The following PRR12 variants were observed in gnomAD, a reference collection of about 807,000 sequenced individuals.
PRR12 encodes the protein proline-rich protein 12.
A neutral mutation model predicts 138.0 loss-of-function variants in PRR12; 12 were observed. That is an observed-to-expected ratio of 0.09 (90% CI 0.06 to 0.14). PRR12 has a LOEUF of 0.14. Ranked by LOEUF, PRR12 falls within the 10% of genes least tolerant of loss-of-function variation. The probability of loss-of-function intolerance (pLI) is 1.00; values close to 1 mark genes in which losing one functional copy is unlikely to be tolerated. For synonymous variants in PRR12, 1,567 were observed against 1,291.7 expected, an observed-to-expected ratio of 1.21 and a Z score of -4.57; for missense variants, 2,692 against 2,861.3, an observed-to-expected ratio of 0.94 and a Z score of 1.35.
At position 49,594,926 on chromosome 19, in the gene PRR12, C is replaced by G. The variant is rs1388659106; in HGVS notation, c.591C>G (p.Pro197=). 1.2e-6 allele frequency: 2 copies of G among 1,606,580 alleles called. No individual in the cohort carries two copies. The highest frequency in any genetic ancestry group is 3.4e-5 in the Admixed American group (2 of 59,014). Residue 197 remains proline, a synonymous_variant, in exon 4 of 14, where the codon CCC becomes CCG. Transcript: ENST00000418929. This position sits in a 1 kb window ranked among gnomAD's most constrained non-coding sequence, Gnocchi z 5.6. ...DVLHLKPSQA[P]TVPSSLGFER... ...TGCACCTGAAGCCCTCGCAGGCACC[C>G]ACGGTGCCCTCTTCACTGGGCTTCG...
At position 49,619,851 on chromosome 19, in the gene PRR12, CTTT is replaced by C. The variant is rs55707507; in HGVS notation, c.5498-478_5498-476del. 1.9e-4 allele frequency among the ~76,000 whole-genome samples: 10 copies of C among 53,942 alleles called. No homozygotes were observed. The South Asian group carries it at 2.3e-3, about 12-fold the overall frequency. 35.4% of individuals were successfully genotyped at this position (53,942 alleles called of 152,430 possible). A position where few individuals can be genotyped will look rare whatever the true frequency, so the allele number is the denominator to read the frequency against. On this transcript the variant is annotated intron_variant, in intron 9 of 13. Coordinates refer to ENST00000418929, the MANE Select transcript of PRR12 (RefSeq NM_020719.3). ...GCACTTTATGGGCTACAATGCCTGG[CTTT>C]TTTTTTTTTTTTTTTTTTTTTTGGA...
chr19:49,618,858 G>A (rs947413918), intron 9 of PRR12, among the ~76,000 whole-genome samples: 1 of 151,772 alleles, frequency 6.6e-6, no homozygotes, highest in Non-Finnish European at 1.5e-5. Context: ...CTGGACTTCA[G>A]CCTCACTCCT....
At chr19:49,618,257 C>A (rs1312700667) in intron 9 of PRR12, among the ~76,000 whole-genome samples, 1 of 152,064 alleles carries the variant, frequency 6.6e-6, no homozygotes, top group Non-Finnish European at 1.5e-5. Flanking sequence ...GGCCACCCCA[C>A]AGACCTTCCC....
intron 6 of PRR12, among the ~76,000 whole-genome samples, chr19:49,606,809 G>A (rs552223706): frequency 6.6e-6 from 1 of 151,912 alleles, no homozygotes; most frequent in South Asian, 2.1e-4. Context: ...ACCATGCCTG[G>A]CTAATTTTTG....
In PRR12 at chr19:49,595,031, A is replaced by G; in HGVS notation, c.696A>G (p.Pro232=). Residue 232 remains proline, a synonymous_variant, in exon 4 of 14, where the codon CCA becomes CCG. Coordinates refer to ENST00000418929, the MANE Select transcript of PRR12 (RefSeq NM_020719.3). The stretch of plus-strand genomic sequence containing the variant: ...CCCCCCCTTACCGCCCTGGCCCCCC[A>G]GACCCACCACCACCTCCTCGCCACC... ...AQTPPYRPGP[P]DPPPPPRHLP... 1 of 1,248,760 alleles carries G rather than the reference A, an allele frequency of 8.0e-7. No homozygotes were observed. Among genetic ancestry groups the G allele is most frequent in the Non-Finnish European group, 1.1e-6 (1 of 949,328 alleles). 77.4% of individuals were successfully genotyped at this position (1,248,760 alleles called of 1,614,324 possible). A position where few individuals can be genotyped will look rare whatever the true frequency, so the allele number is the denominator to read the frequency against.
chr19:49,618,560 G>A (rs2080904408), intron 9 of PRR12, among the ~76,000 whole-genome samples: 1 of 151,996 alleles, frequency 6.6e-6, no homozygotes, highest in Non-Finnish European at 1.5e-5. Context: ...GCTAATTTGT[G>A]TATTTTTAGT....
intron 6 of PRR12, among the ~76,000 whole-genome samples, chr19:49,612,120 A>G (rs539450157): frequency 6.7e-6 from 1 of 149,996 alleles, no homozygotes; most frequent in Admixed American, 6.7e-5. Flanking sequence ...AGTCCCAGCT[A>G]TTCGGGAGGC....
In PRR12 at chr19:49,591,790, AGCCGGGCCGG is replaced by A. The variant is rs146415405; in HGVS notation, c.86+69_86+78del. The A allele has an allele frequency of 2.7e-3, 2,911 of 1,069,870 alleles. 57 individuals carry two copies. The African/African-American group carries it at 0.042, about 16-fold the overall frequency. The allele number at this position is 1,069,870 out of a possible 1,614,324, so 66.3% of individuals were successfully genotyped here. A position where few individuals can be genotyped will look rare whatever the true frequency, so the allele number is the denominator to read the frequency against. On this transcript the variant is annotated intron_variant, in intron 1 of 13. Transcript: ENST00000418929. ...GAAGGGGGCCAAGGGGTGGGAGCCC[AGCCGGGCCGG>A]GCCGGGCCGGGCCGGGCCCGCCCGG...
At chr19:49,617,594 G>T (rs189891986) in intron 9 of PRR12, among the ~76,000 whole-genome samples, 1 of 152,322 alleles carries the variant, frequency 6.6e-6, no homozygotes, top group Admixed American at 6.5e-5. Flanking sequence ...TTACACCACT[G>T]CTTTCCAGCC....
Position 49,594,962 on chromosome 19 carries a change from AG to A in PRR12, c.632del (p.Gly211AlafsTer104). On this transcript the variant is annotated frameshift_variant, in exon 4 of 14. Transcript: ENST00000418929. LOFTEE classifies it high-confidence loss of function. The surrounding 1 kb of genome is among the most constrained non-coding windows in gnomAD (Gnocchi z 5.6). The stretch of plus-strand genomic sequence containing the variant: ...CTTCACTGGGCTTCGAGCGCCTGGC[AG>A]GGGGCGGTGTCTTGGGGCCAGCTGG... The part of the protein sequence containing the change: ...PSSLGFERLA[G>X]GGVLGPAGLG... The A allele has an allele frequency of 6.2e-7, 1 of 1,600,308 alleles. No homozygotes were observed. The highest frequency in any genetic ancestry group is 8.5e-7 in the Non-Finnish European group (1 of 1,174,728).
At chr19:49,607,861 A>G (rs1339347160) in intron 6 of PRR12, among the ~76,000 whole-genome samples, 1 of 151,942 alleles carries the variant, frequency 6.6e-6, no homozygotes, top group Non-Finnish European at 1.5e-5. Flanking sequence ...TCTACTAGAA[A>G]TATAAAAATT....
In PRR12 at chr19:49,597,071, C is replaced by T. The variant is rs940353357; in HGVS notation, c.2736C>T (p.Ala912=). 1 of 1,552,738 alleles carries T rather than the reference C, an allele frequency of 6.4e-7. No individual in the cohort carries two copies. The highest frequency in any genetic ancestry group is 8.7e-7 in the Non-Finnish European group (1 of 1,148,738). ...CGGAGGGCAAGGATCCCGCAGGCGCCTACCGCAGCCCCAGCCCGCAAGGCA... is the reference window on the plus strand; with the variant it reads ...CGGAGGGCAAGGATCCCGCAGGCGCTTACCGCAGCCCCAGCCCGCAAGGCA... ...PNSEGKDPAG[A]YRSPSPQGTK... Residue 912 remains alanine, a synonymous_variant, in exon 4 of 14, where the codon GCC becomes GCT. Transcript: ENST00000418929. This position sits in a 1 kb window ranked among gnomAD's most constrained non-coding sequence, Gnocchi z 6.3.
rs527558160 is a variant in PRR12 at position 49,617,587 on chromosome 19, C to T, written c.5497+1368C>T. Among the ~76,000 whole-genome samples, 3 of 152,316 alleles carry T rather than the reference C, an allele frequency of 2.0e-5. No homozygotes were observed. In the East Asian group the frequency reaches 5.8e-4, roughly 29 times the overall value. On this transcript the variant is annotated intron_variant, in intron 9 of 13. Coordinates refer to ENST00000418929, the MANE Select transcript of PRR12 (RefSeq NM_020719.3). ...TCAAGGCTATGGTGAGGTATGATTA[C>T]ACCACTGCTTTCCAGCCAGGGTGAC... is the stretch of plus-strand genomic sequence containing the variant.
chr19:49,603,810 A>G (rs79501842), intron 6 of PRR12, among the ~76,000 whole-genome samples: 3,015 of 152,112 alleles, frequency 0.02, 145 homozygotes, highest in East Asian at 0.13. Flanking sequence ...GATAATAACT[A>G]TCATTACACT....
intron 6 of PRR12, among the ~76,000 whole-genome samples, chr19:49,610,706 TA>T (rs2080861673): frequency 6.6e-6 from 1 of 151,998 alleles, no homozygotes; most frequent in Admixed American, 6.6e-5. Flanking sequence ...CACGTCCGTC[TA>T]ATTTTTTGTG....
rs1309608700 is a variant in PRR12 at position 49,597,283 on chromosome 19, G to C, written c.2948G>C (p.Gly983Ala). The stretch of plus-strand genomic sequence containing the variant: ...AAGGCTGGCGCTGGGCCACCCCCCG[G>C]CCCCCCTGCTTATGATCCCTATGGG... ...DPKAGAGPPPGPPAYDPYGPY... is the reference protein window; with the variant it reads ...DPKAGAGPPPAPPAYDPYGPY... The change falls in exon 4 of 14, where the codon GGC (glycine) becomes GCC (alanine). Residue 983 changes from glycine (G) to alanine (A), a missense_variant. Transcript: ENST00000418929. The surrounding 1 kb of genome is among the most constrained non-coding windows in gnomAD (Gnocchi z 6.3). 6.4e-6 allele frequency: 10 copies of C among 1,562,964 alleles called. No individual in the cohort carries two copies. Among genetic ancestry groups the C allele is most frequent in the South Asian group, 1.2e-5 (1 of 85,260 alleles).
chr19:49,621,302 C>G (rs1470665110), intron 10 of PRR12, among the ~76,000 whole-genome samples: 2 of 126,334 alleles, frequency 1.6e-5, no homozygotes, highest in Admixed American at 1.7e-4. Context: ...GGGGTCTGGA[C>G]TCCTGGGTCT....
Position 49,620,339 on chromosome 19 carries a change from G to A in PRR12, c.5498-13G>A, listed in dbSNP as rs1292481144. ...AATTGGGATAACGAGCCTGCGTCCT[G>A]TCTTTTCTGCAGAGCGGGCAGTACC... On this transcript the variant is annotated splice_polypyrimidine_tract_variant and intron_variant, in intron 9 of 13. Transcript: ENST00000418929. 6.2e-7 allele frequency: 1 copy of A among 1,612,940 alleles called. No individual in the cohort carries two copies. Among genetic ancestry groups the A allele is most frequent in the Non-Finnish European group, 8.5e-7 (1 of 1,179,508 alleles).
intron 6 of PRR12, among the ~76,000 whole-genome samples, chr19:49,606,701 C>T (rs2080840330): frequency 1.4e-5 from 2 of 141,474 alleles, no homozygotes; most frequent in African/African-American, 2.7e-5. Context: ...GGCTGGAGTG[C>T]GGTGGCACAA....
Sources: allele counts gnomAD v4.1 joint callset (sites outside exome capture counted in the v4.1 genomes callset), GRCh38; gene constraint gnomAD v4.1.1; non-coding constraint Gnocchi (gnomAD v3.1); transcripts MANE v1.5; gene names NCBI Gene and HGNC (gene_info 2026-07-23, HGNC 2026-07-21).